ATF7: variants seen among roughly 807,000 people sequenced by gnomAD.
ATF7 encodes the protein activating transcription factor 7.
Under a neutral mutation model 50.4 loss-of-function variants are expected in ATF7, and 10 were observed. That is an observed-to-expected ratio of 0.20 (90% CI 0.12 to 0.34). The LOEUF (loss-of-function observed/expected upper bound fraction) is 0.34, where lower values mean the gene tolerates loss of function less well. Ranked by LOEUF, ATF7 falls within the 10% of genes least tolerant of loss-of-function variation. The probability of loss-of-function intolerance (pLI) is 1.00; values close to 1 mark genes in which losing one functional copy is unlikely to be tolerated. For synonymous variants in ATF7, 201 were observed against 226.4 expected (o/e 0.89, Z 1.01); for missense variants, 465 against 613.9 (o/e 0.76, Z 2.56).
intron 3 of ATF7, among the ~76,000 whole-genome samples, chr12:53,549,624 G>A (rs1940195680): frequency 1.3e-5 from 2 of 152,080 alleles, no homozygotes; most frequent in Non-Finnish European, 2.9e-5. Context: ...CTGTCACCCA[G>A]GTTGGAGTGC....
intron 11 of ATF7, 103 bp downstream of exon 11, chr12:53,523,173 C>T: frequency 4.5e-6 from 4 of 896,160 alleles, no homozygotes; most frequent in Non-Finnish European, 7.2e-6. Context: ...GCGTGGGGTC[C>T]CCAGAACATT....
intron 3 of ATF7, among the ~76,000 whole-genome samples, chr12:53,548,506 A>T (rs532979892): frequency 8.8e-5 from 13 of 147,718 alleles, no homozygotes; most frequent in East Asian, 4.2e-4. Context: ...TAATTTTAAA[A>T]TTTTTTTGTA....
At chr12:53,579,511 C>T (rs1189456744) in intron 2 of ATF7, among the ~76,000 whole-genome samples, 2 of 149,092 alleles carry the variant, frequency 1.3e-5, no homozygotes, top group East Asian at 3.9e-4. Context: ...GAGATCGTGC[C>T]ACTGCACTCC....
At chr12:53,568,827 G>T (rs7956001) in intron 2 of ATF7, among the ~76,000 whole-genome samples, 64,722 of 151,992 alleles carry the variant, frequency 0.43, 14,170 homozygotes, top group East Asian at 0.73. Flanking sequence ...ACAGACTAGA[G>T]GTCTACACTC....
intron 2 of ATF7, among the ~76,000 whole-genome samples, chr12:53,571,832 T>C (rs760298729): frequency 1.2e-4 from 18 of 152,092 alleles, no homozygotes; most frequent in South Asian, 4.1e-4. Flanking sequence ...TTTGGGAGGC[T>C]GAGGCAGCCA....
At chr12:53,518,694 A>T (rs1374491477) in intron 11 of ATF7, among the ~76,000 whole-genome samples, 1 of 152,188 alleles carries the variant, frequency 6.6e-6, no homozygotes, top group East Asian at 1.9e-4. Context: ...AAAAAAGGCA[A>T]ACGTTCCATA....
At chr12:53,582,597 G>C (rs1942484021) in intron 2 of ATF7, among the ~76,000 whole-genome samples, 1 of 151,908 alleles carries the variant, frequency 6.6e-6, no homozygotes, top group South Asian at 2.1e-4. Flanking sequence ...TATTTATTTT[G>C]AGACGGAGTC....
At chr12:53,528,790 A>T (rs1374722145) in intron 9 of ATF7, among the ~76,000 whole-genome samples, 1 of 152,032 alleles carries the variant, frequency 6.6e-6, no homozygotes, top group Non-Finnish European at 1.5e-5. Flanking sequence ...AAAGAAAACA[A>T]AAGAAAAGAA....
intron 1 of ATF7, among the ~76,000 whole-genome samples, chr12:53,618,838 G>A (rs1349079451): frequency 6.6e-6 from 1 of 152,050 alleles, no homozygotes; most frequent in East Asian, 1.9e-4. Flanking sequence ...GATTGCCTGA[G>A]CTCAGGCGTT....
chr12:53,584,508 AT>A (rs1217214956), intron 2 of ATF7, among the ~76,000 whole-genome samples: 1 of 152,246 alleles, frequency 6.6e-6, no homozygotes, highest in Non-Finnish European at 1.5e-5. Flanking sequence ...GTATTACCAT[AT>A]GATCCAGTGA....
chr12:53,587,738 C>G (rs1942758051), intron 2 of ATF7, among the ~76,000 whole-genome samples: 2 of 146,996 alleles, frequency 1.4e-5, no homozygotes, highest in Admixed American at 6.9e-5. Context: ...GACATTCAGA[C>G]AACATATACA....
At chr12:53,546,870 A>T (rs535109959) in intron 3 of ATF7, among the ~76,000 whole-genome samples, 1 of 145,106 alleles carries the variant, frequency 6.9e-6, no homozygotes, top group African/African-American at 2.6e-5. Context: ...TGATCCTCCC[A>T]CCTCAGCCTC....
intron 2 of ATF7, among the ~76,000 whole-genome samples, chr12:53,571,586 G>A (rs1053340531): frequency 1.3e-5 from 2 of 150,582 alleles, no homozygotes; most frequent in Non-Finnish European, 2.9e-5. Context: ...AGGATCATTT[G>A]AGCCCACAAG....
At chr12:53,537,885 T>TATTTTTAATTTTTTTA (rs1245666754) in intron 4 of ATF7, among the ~76,000 whole-genome samples, 1 of 152,162 alleles carries the variant, frequency 6.6e-6, no homozygotes. Context: ...GCTAATTTTT[T>TATTTTTAATTTTTTTA]ATTTTTAATA....
intron 2 of ATF7, among the ~76,000 whole-genome samples, chr12:53,567,417 T>TA (rs1941499500): frequency 6.6e-6 from 1 of 152,206 alleles, no homozygotes; most frequent in Non-Finnish European, 1.5e-5. Context: ...CACTCCTCAC[T>TA]AAAGAATGGA....
intron 3 of ATF7, among the ~76,000 whole-genome samples, chr12:53,544,556 GGCCAACATGGT>G (rs1939768680): frequency 6.6e-6 from 1 of 152,112 alleles, no homozygotes; most frequent in South Asian, 2.1e-4. Context: ...AGACCAGCCT[GGCCAACATGGT>G]GAAACTCCAT....
At chr12:53,526,345 C>A (rs190574459) in intron 9 of ATF7, among the ~76,000 whole-genome samples, 22 of 151,616 alleles carry the variant, frequency 1.5e-4, no homozygotes, top group African/African-American at 5.3e-4. Flanking sequence ...CTCCTCAATG[C>A]GAAGATGATG....
chr12:53,580,278 A>G (rs79558037), intron 2 of ATF7, among the ~76,000 whole-genome samples: 7 of 152,158 alleles, frequency 4.6e-5, no homozygotes, highest in East Asian at 1.9e-4. Flanking sequence ...AAAAAAAAAA[A>G]AGAGACAATG....
intron 9 of ATF7, among the ~76,000 whole-genome samples, chr12:53,530,565 T>A (rs1030418168): frequency 2.7e-5 from 4 of 150,636 alleles, no homozygotes; most frequent in Non-Finnish European, 5.9e-5. Context: ...CTTATTTTTT[T>A]ATATTTTTTT....
Sources: allele counts gnomAD v4.1 joint callset (sites outside exome capture counted in the v4.1 genomes callset), GRCh38; gene constraint gnomAD v4.1.1; transcripts MANE v1.5; gene names NCBI Gene and HGNC (gene_info 2026-07-23, HGNC 2026-07-21).